The following SCN1A variants were observed in gnomAD, a reference collection of about 807,000 sequenced individuals.
The protein encoded by SCN1A is sodium channel protein type 1 subunit alpha.
SCN1A carries 13 observed loss-of-function variants against 193.7 expected under a neutral mutation model. The ratio of observed to expected loss-of-function variants is 0.07; its 90% CI spans 0.04 to 0.11. The LOEUF is 0.11. Among genes scored for constraint, SCN1A ranks in the 10% least tolerant of loss-of-function variants. The pLI is 1.00. For synonymous variants in SCN1A, 781 were observed against 843.6 expected, an observed-to-expected ratio of 0.93 and a Z score of 1.29; for missense variants, 1,432 against 2,451.1, an observed-to-expected ratio of 0.58 and a Z score of 8.78.
chr2:165,995,457 A>G (rs1689898500), intron 27 of SCN1A, among the ~76,000 whole-genome samples: 1 of 151,824 alleles, frequency 6.6e-6, no homozygotes, highest in Non-Finnish European at 1.5e-5. Flanking sequence ...AACTGTAATT[A>G]CTGACCCTGA....
chr2:166,066,116 G>A (rs1399044813), intron 4 of SCN1A, among the ~76,000 whole-genome samples: 1 of 152,064 alleles, frequency 6.6e-6, no homozygotes, highest in Admixed American at 6.5e-5. Context: ...TCTGCAGAAG[G>A]TGCCTCCCTA....
intron 2 of SCN1A, among the ~76,000 whole-genome samples, chr2:166,115,408 G>A (rs972635404): frequency 6.6e-6 from 1 of 152,036 alleles, no homozygotes; most frequent in Non-Finnish European, 1.5e-5. Flanking sequence ...AAAAGGAGAA[G>A]TAATCAAATT....
Position 165,990,066 on chromosome 2 carries a change from G to T in SCN1A, c.*1179C>A, listed in dbSNP as rs1688929085. 6.6e-6 allele frequency: 1 copy of T among 152,544 alleles called. No homozygotes were observed. Among genetic ancestry groups the T allele is most frequent in the African/African-American group, 2.4e-5 (1 of 41,432 alleles). The allele number at this position is 152,544 out of a possible 1,614,324, so 9.4% of individuals were successfully genotyped here. A position where few individuals can be genotyped will look rare whatever the true frequency, so the allele number is the denominator to read the frequency against. On this transcript the variant is annotated 3_prime_UTR_variant, in exon 29 of 29. Coordinates refer to ENST00000674923, the MANE Select transcript of SCN1A (RefSeq NM_001165963.4). The stretch of plus-strand genomic sequence containing the variant: ...ATAAATGAGATTCTGAGCAGTGAGA[G>T]AAACCAGATACAGCAGCATGGTAAT...
chr2:166,086,945 G>A (rs944279416), intron 2 of SCN1A, among the ~76,000 whole-genome samples: 1 of 152,058 alleles, frequency 6.6e-6, no homozygotes, highest in Non-Finnish European at 1.5e-5. Flanking sequence ...ATGTGACATT[G>A]AGCCAAGTCT....
intron 2 of SCN1A, chr2:166,092,715 T>A (rs1686947766): frequency 6.6e-6 from 1 of 152,136 alleles, no homozygotes; most frequent in Non-Finnish European, 1.5e-5. Context: ...ACCAGGTAAG[T>A]TTTGTGATAA....
chr2:166,040,911 A>G (rs538439402), intron 16 of SCN1A, among the ~76,000 whole-genome samples: 7 of 152,354 alleles, frequency 4.6e-5, no homozygotes, highest in Non-Finnish European at 8.8e-5. Flanking sequence ...AATCTTCTAC[A>G]GTAAGGGAAA....
In SCN1A at chr2:166,110,342, C is replaced by T. The variant is rs542225100; in HGVS notation, c.-142+16582G>A. On this transcript the variant is annotated intron_variant, in intron 2 of 28. Coordinates refer to ENST00000674923, the MANE Select transcript of SCN1A (RefSeq NM_001165963.4). ...AGGCCTCATGAACCAAACAGTTAGCCGAGTTGTGAATGAAAAAGAAATATT... is the reference window on the plus strand; with the variant it reads ...AGGCCTCATGAACCAAACAGTTAGCTGAGTTGTGAATGAAAAAGAAATATT... Among the ~76,000 whole-genome samples, 14 of 151,912 alleles carry T rather than the reference C, an allele frequency of 9.2e-5. 1 individual carries two copies. In the South Asian group the frequency reaches 1.7e-3, roughly 18 times the overall value.
In SCN1A at chr2:165,994,232, A is replaced by G. The variant is rs764037830; in HGVS notation, c.4766T>C (p.Val1589Ala). 1 of 1,612,988 alleles carries G rather than the reference A, an allele frequency of 6.2e-7. No homozygotes were observed. The highest frequency in any genetic ancestry group is 8.5e-7 in the Non-Finnish European group (1 of 1,179,342). The change falls in exon 28 of 29, where the codon GTA (valine) becomes GCA (alanine). Residue 1589 changes from valine to alanine, a missense_variant. Transcript: ENST00000674923. ...ATGGCGTAGAGAGATGAGTTTCAGT[A>G]CACACTCTCCAGTAAATAGCACAAT... is the stretch of plus-strand genomic sequence containing the variant. Reference protein sequence around the residue: ...VFIVLFTGECVLKLISLRHYY... With the variant: ...VFIVLFTGECALKLISLRHYY...
chr2:166,024,856 G>A (rs1380730366), intron 19 of SCN1A, among the ~76,000 whole-genome samples: 2 of 152,072 alleles, frequency 1.3e-5, no homozygotes, highest in Non-Finnish European at 2.9e-5. Context: ...GACAGCATCT[G>A]ATCCTCAGGC....
In SCN1A at chr2:165,989,470, A is replaced by G. The variant is rs534981685; in HGVS notation, c.*1775T>C. 6 of 152,372 alleles carry G rather than the reference A, an allele frequency of 3.9e-5. No individual in the cohort carries two copies. The highest frequency in any genetic ancestry group is 1.4e-4 in the African/African-American group (6 of 41,580). 9.4% of individuals were successfully genotyped at this position (152,372 alleles called of 1,614,324 possible). The stretch of plus-strand genomic sequence containing the variant: ...TAAACCGAAGTCAGAAAAAAAGAAC[A>G]AAAATAACATAAGCACTACCTTCAA... On this transcript the variant is annotated 3_prime_UTR_variant, in exon 29 of 29. Transcript: ENST00000674923.
chr2:166,010,489 A>G (rs1054223766), intron 22 of SCN1A, among the ~76,000 whole-genome samples: 1 of 151,300 alleles, frequency 6.6e-6, no homozygotes, highest in Non-Finnish European at 1.5e-5. Context: ...AGGGCCAATC[A>G]ATGAATATTT....
intron 7 of SCN1A, among the ~76,000 whole-genome samples, chr2:166,053,541 G>C (rs1054778329): frequency 6.6e-6 from 1 of 151,934 alleles, no homozygotes; most frequent in Non-Finnish European, 1.5e-5. Context: ...AGCAAATTAA[G>C]AACAATACTT....
intron 19 of SCN1A, among the ~76,000 whole-genome samples, chr2:166,032,237 A>ATGCTCCTCAACTTACGATG (rs1553539036): frequency 2.0e-5 from 3 of 151,908 alleles, no homozygotes; most frequent in Non-Finnish European, 2.9e-5. Context: ...ACACACACAG[A>ATGCTCCTCAACTTACGATG]GACAGAGAGA....
intron 2 of SCN1A, among the ~76,000 whole-genome samples, chr2:166,084,534 G>A (rs1327132230): frequency 6.6e-6 from 1 of 152,044 alleles, no homozygotes; most frequent in Non-Finnish European, 1.5e-5. Flanking sequence ...TTATTGCTGT[G>A]GGGCAATAAT....
chr2:166,146,258 C>A lies in SCN1A; in HGVS notation c.-50+2789G>T, dbSNP rs541131279. The stretch of plus-strand genomic sequence containing the variant: ...AAGATATCTGCCAACAGATATCTAC[C>A]AATAGATCGTCACCTAGATCTTCAA... On this transcript the variant is annotated intron_variant, in intron 1 of 26. Transcript: ENST00000635750. 5.3e-5 allele frequency among the ~76,000 whole-genome samples: 8 copies of A among 152,196 alleles called. No individual in the cohort carries two copies. In the South Asian group the frequency reaches 1.7e-3, roughly 32 times the overall value.
At chr2:166,074,062 T>C (rs570504) in intron 3 of SCN1A, among the ~76,000 whole-genome samples, 31,262 of 152,172 alleles carry the variant, frequency 0.21, 3,838 homozygotes, top group Middle Eastern at 0.37. Context: ...GAAAAGGAAT[T>C]GTCTCTGAGA....
intron 2 of SCN1A, among the ~76,000 whole-genome samples, chr2:166,099,135 G>A (rs1337729372): frequency 6.6e-6 from 1 of 152,044 alleles, no homozygotes; most frequent in Non-Finnish European, 1.5e-5. Context: ...AAACAGCATA[G>A]TACTGGCACA....
rs1277702261 is a variant in SCN1A at position 165,999,421 on chromosome 2, A to G, written c.4338+302T>C. On this transcript the variant is annotated intron_variant, in intron 25 of 28. Coordinates refer to ENST00000674923, the MANE Select transcript of SCN1A (RefSeq NM_001165963.4). ...TTTGGTCCCGCACACTAAAATTACT[A>G]CTAATTATATAATGTGTGGATAAAT... is the stretch of plus-strand genomic sequence containing the variant. Among the ~76,000 whole-genome samples, 3 of 151,552 alleles carry G rather than the reference A, an allele frequency of 2.0e-5. No individual in the cohort carries two copies. In the East Asian group the frequency reaches 5.8e-4, roughly 29 times the overall value.
intron 2 of SCN1A, among the ~76,000 whole-genome samples, chr2:166,107,329 T>C (rs1257337215): frequency 6.6e-6 from 1 of 152,206 alleles, no homozygotes; most frequent in South Asian, 2.1e-4. Context: ...CTTTGCATTC[T>C]TCACTGTATC....
Sources: allele counts gnomAD v4.1 joint callset (sites outside exome capture counted in the v4.1 genomes callset), GRCh38; gene constraint gnomAD v4.1.1; transcripts MANE v1.5; gene names NCBI Gene and HGNC (gene_info 2026-07-23, HGNC 2026-07-21).